The following CCDC171 variants were observed in gnomAD, a reference collection of about 807,000 sequenced individuals.
The protein encoded by CCDC171 is coiled-coil domain containing 171.
In CCDC171, 177 loss-of-function variants were observed where a neutral mutation model predicts 168.2. The ratio of observed to expected loss-of-function variants is 1.05; its 90% CI spans 0.93 to 1.19. The LOEUF is 1.19. Among genes scored for constraint, CCDC171 ranks in the 50% most tolerant of loss-of-function variants. The probability of loss-of-function intolerance (pLI) is 0.00; values close to 1 mark genes in which losing one functional copy is unlikely to be tolerated. For missense variants in CCDC171, 1,991 were observed against 1,539.0 expected (o/e 1.29, Z -4.91); for synonymous variants, 687 against 540.8 (o/e 1.27, Z -3.75).
chr9:15,560,307 A>G (rs183889504), intron 1 of CCDC171, among the ~76,000 whole-genome samples: 382 of 152,230 alleles, frequency 2.5e-3, no homozygotes, highest in African/African-American at 9.0e-3. Context: ...CTCCTGGATG[A>G]TATCCTGAAG....
chr9:15,824,017 T>C (rs1373513969), intron 21 of CCDC171, among the ~76,000 whole-genome samples: 2 of 152,112 alleles, frequency 1.3e-5, no homozygotes, highest in Admixed American at 1.3e-4. Flanking sequence ...TTTTCCCCTA[T>C]CAAGCCAGTT....
At chr9:15,557,919 C>G (rs566088072) in intron 1 of CCDC171, among the ~76,000 whole-genome samples, 100 of 152,154 alleles carry the variant, frequency 6.6e-4, no homozygotes, top group Middle Eastern at 3.4e-3. Context: ...CCCATCAATA[C>G]CTAATTTATT....
At chr9:15,641,537 A>T (rs577904634) in intron 7 of CCDC171, among the ~76,000 whole-genome samples, 1 of 152,238 alleles carries the variant, frequency 6.6e-6, no homozygotes, top group Non-Finnish European at 1.5e-5. Context: ...CGTGGAGAAC[A>T]TCTGGGTATG....
intron 23 of CCDC171, among the ~76,000 whole-genome samples, chr9:15,858,069 G>A (rs575481879): frequency 2.6e-5 from 4 of 152,072 alleles, no homozygotes; most frequent in African/African-American, 7.2e-5. Context: ...CCAGGCTGGA[G>A]TGCAGTGGCA....
intron 24 of CCDC171, among the ~76,000 whole-genome samples, chr9:15,897,319 T>C (rs571824158): frequency 7.9e-5 from 12 of 152,174 alleles, no homozygotes; most frequent in Non-Finnish European, 1.5e-4. Flanking sequence ...GGATAATAGA[T>C]GATTTGCTAT....
At chr9:16,008,593 G>A (rs1219105311) in intron 3 of CCDC171, among the ~76,000 whole-genome samples, 1 of 152,122 alleles carries the variant, frequency 6.6e-6, no homozygotes, top group African/African-American at 2.4e-5. Context: ...CCTAAATGCA[G>A]CCCTCTCTCT....
chr9:15,635,378 G>C (rs965504717), intron 7 of CCDC171, among the ~76,000 whole-genome samples: 1 of 151,896 alleles, frequency 6.6e-6, no homozygotes, highest in Non-Finnish European at 1.5e-5. Context: ...TGTTTGTACT[G>C]TATATATATA....
At chr9:16,099,553 C>T in the CCDC171 span, among the ~76,000 whole-genome samples, 25 of 152,288 alleles carry the variant, frequency 1.6e-4, no homozygotes, top group East Asian at 3.5e-3. Flanking sequence ...AGAAAAATGC[C>T]ATGAGCTTCC....
At chr9:16,105,976 C>A in the CCDC171 span, among the ~76,000 whole-genome samples, 1 of 152,196 alleles carries the variant, frequency 6.6e-6, no homozygotes. Flanking sequence ...CATTAACGAC[C>A]TGCTTTCAGG....
intron 6 of CCDC171, among the ~76,000 whole-genome samples, chr9:15,614,278 C>T (rs1034129444): frequency 6.6e-6 from 1 of 152,140 alleles, no homozygotes; most frequent in Non-Finnish European, 1.5e-5. Context: ...TTTTGGGGAG[C>T]TCCAACTCTG....
intron 25 of CCDC171, among the ~76,000 whole-genome samples, chr9:15,964,409 G>A (rs548686358): frequency 1.3e-5 from 2 of 150,652 alleles, no homozygotes. Flanking sequence ...ATATATTTGA[G>A]TGCATAAAGT....
intron 6 of CCDC171, among the ~76,000 whole-genome samples, chr9:15,622,685 G>C (rs2044599097): frequency 6.6e-6 from 1 of 152,126 alleles, no homozygotes; most frequent in Non-Finnish European, 1.5e-5. Context: ...GTTGGGAAAG[G>C]GGATTGAGAG....
Position 15,623,347 on chromosome 9 carries a change from A to G in CCDC171, c.756A>G (p.Leu252=). Residue 252 remains leucine, a synonymous_variant, in exon 7 of 26, where the codon TTA becomes TTG. Coordinates refer to ENST00000380701, the MANE Select transcript of CCDC171 (RefSeq NM_173550.4). Reference sequence around the variant, plus strand: ...AACATATGGACTGCTCTGACCTTTTACGGCGACAAACAAGTGAACTTGAAT... The same window carrying G: ...AACATATGGACTGCTCTGACCTTTTGCGGCGACAAACAAGTGAACTTGAAT... ...ETEHMDCSDL[L]RRQTSELEFS... The G allele has an allele frequency of 6.2e-7, 1 of 1,612,390 alleles. No individual in the cohort carries two copies. The highest frequency in any genetic ancestry group is 8.5e-7 in the Non-Finnish European group (1 of 1,178,956).
chr9:15,741,138 G>A (rs184384194), intron 16 of CCDC171, among the ~76,000 whole-genome samples: 15 of 152,134 alleles, frequency 9.9e-5, no homozygotes, highest in African/African-American at 3.4e-4. Flanking sequence ...AAATATGCAT[G>A]ACATAACATT....
intron 7 of CCDC171, among the ~76,000 whole-genome samples, chr9:15,640,118 C>G (rs748063621): frequency 6.6e-6 from 1 of 152,054 alleles, no homozygotes; most frequent in Non-Finnish European, 1.5e-5. Flanking sequence ...AGTTATAAAC[C>G]TATTCATTTG....
intron 23 of CCDC171, among the ~76,000 whole-genome samples, chr9:15,862,762 CT>C (rs1401108439): frequency 6.6e-6 from 1 of 152,042 alleles, no homozygotes; most frequent in Non-Finnish European, 1.5e-5. Flanking sequence ...AAACTGTCAT[CT>C]TCTTAAAGGC....
chr9:15,644,935 C>G (rs1315812878), intron 7 of CCDC171, among the ~76,000 whole-genome samples: 2 of 152,222 alleles, frequency 1.3e-5, no homozygotes, highest in South Asian at 4.1e-4. Flanking sequence ...AGAACAAACA[C>G]ACTACCTCTT....
In CCDC171 at chr9:15,817,086, G is replaced by A. The variant is rs1385767258; in HGVS notation, c.3268-29616G>A. Among the ~76,000 whole-genome samples the A allele has an allele frequency of 7.7e-5, 9 of 117,390 alleles. 4 individuals carry two copies. The highest frequency in any genetic ancestry group is 1.1e-4 in the Non-Finnish European group (6 of 52,296). 77.0% of individuals were successfully genotyped at this position (117,390 alleles called of 152,430 possible). ...TGTTTTTCTGAGAGGATGTGTAAGC[G>A]CACTTGTCTAATTCCATTCTGATTG... On this transcript the variant is annotated intron_variant, in intron 21 of 25. Coordinates refer to ENST00000380701, the MANE Select transcript of CCDC171 (RefSeq NM_173550.4).
At chr9:15,810,158 C>T (rs906116090) in intron 21 of CCDC171, among the ~76,000 whole-genome samples, 13 of 151,634 alleles carry the variant, frequency 8.6e-5, no homozygotes, top group African/African-American at 3.2e-4. Flanking sequence ...TTACAATCCT[C>T]TAGCTAGACA....
Sources: allele counts gnomAD v4.1 joint callset (sites outside exome capture counted in the v4.1 genomes callset), GRCh38; gene constraint gnomAD v4.1.1; transcripts MANE v1.5; gene names NCBI Gene and HGNC (gene_info 2026-07-23, HGNC 2026-07-21).